The following SEL1L3 variants were observed in gnomAD, a reference collection of about 807,000 sequenced individuals.
The protein encoded by SEL1L3 is protein sel-1 homolog 3.
Under a neutral mutation model 142.8 loss-of-function variants are expected in SEL1L3, and 76 were observed. That is an observed-to-expected ratio of 0.53 (90% CI 0.44 to 0.64). The LOEUF (loss-of-function observed/expected upper bound fraction) is 0.64, where lower values mean the gene tolerates loss of function less well. Among genes scored for constraint, SEL1L3 ranks in the 30% least tolerant of loss-of-function variants. SEL1L3 has a pLI of 0.00. For synonymous variants in SEL1L3, 504 were observed against 519.6 expected, an observed-to-expected ratio of 0.97 and a Z score of 0.41; for missense variants, 1,262 against 1,381.7, an observed-to-expected ratio of 0.91 and a Z score of 1.37.
intron 6 of SEL1L3, among the ~76,000 whole-genome samples, chr4:25,823,210 T>A (rs1560332995): frequency 1.3e-5 from 2 of 152,254 alleles, no homozygotes; most frequent in East Asian, 3.9e-4. Flanking sequence ...TGTGCATCTA[T>A]TACCTATTAA....
chr4:25,822,179 T>C, intron 6 of SEL1L3, 51 bp from the exon 7 acceptor site: 2 of 1,608,166 alleles, frequency 1.2e-6, no homozygotes, highest in East Asian at 2.2e-5. Context: ...AACTAGATGA[T>C]TTAAAAACAG....
chr4:25,863,312 C>A, upstream of SEL1L3: 2 of 549,036 alleles, frequency 3.6e-6, no homozygotes, highest in Admixed American at 3.2e-5. Context: ...CTCCGGCTCC[C>A]TCTTCCTTCT....
chr4:25,790,332 G>T, intron 12 of SEL1L3, 123 bp downstream of exon 12: 2 of 920,608 alleles, frequency 2.2e-6, no homozygotes, highest in Non-Finnish European at 3.5e-6. Context: ...TGGACATGCA[G>T]TGTGAGTGAG....
intron 8 of SEL1L3, among the ~76,000 whole-genome samples, chr4:25,818,776 C>T (rs1714563780): frequency 6.6e-6 from 1 of 152,174 alleles, no homozygotes; most frequent in Non-Finnish European, 1.5e-5. Flanking sequence ...CTTCCCCCTC[C>T]TGTTGACAGC....
chr4:25,745,342 C>T (rs1717226948), downstream of SEL1L3, among the ~76,000 whole-genome samples: 1 of 151,804 alleles, frequency 6.6e-6, no homozygotes, highest in Non-Finnish European at 1.5e-5. Context: ...ATGCAGTGAG[C>T]CAAGATCATG....
At chr4:25,804,491 G>C (rs376428840) in intron 10 of SEL1L3, 50 bp downstream of exon 10, 71 of 1,381,752 alleles carry the variant, frequency 5.1e-5, no homozygotes, top group Non-Finnish European at 4.1e-6. Context: ...GCATTGCTTT[G>C]CAAATATAAT....
intron 23 of SEL1L3, 99 bp from the exon 24 acceptor site, chr4:25,748,663 T>A: frequency 7.7e-7 from 1 of 1,290,578 alleles, no homozygotes; most frequent in African/African-American, 1.5e-5. Flanking sequence ...GAGAGATGCA[T>A]CTAGTCTAAT....
At chr4:25,743,529 G>GAT (rs1344944281), downstream of SEL1L3, among the ~76,000 whole-genome samples, 7 of 152,172 alleles carry the variant, frequency 4.6e-5, no homozygotes, top group African/African-American at 1.7e-4. Context: ...ATACATTTTA[G>GAT]GGAGACATGA....
Position 25,862,719 on chromosome 4 carries a change from G to C in SEL1L3, c.118C>G (p.Leu40Val). 7.0e-6 allele frequency: 9 copies of C among 1,287,294 alleles called. No homozygotes were observed. Among genetic ancestry groups the C allele is most frequent in the Non-Finnish European group, 7.9e-6 (8 of 1,015,426 alleles). 79.7% of individuals were successfully genotyped at this position (1,287,294 alleles called of 1,614,324 possible). A position where few individuals can be genotyped will look rare whatever the true frequency, so the allele number is the denominator to read the frequency against. Reference protein sequence around the residue: ...MVPSGGVPQGLGGRSACALLL... With the variant: ...MVPSGGVPQGVGGRSACALLL... The stretch of plus-strand genomic sequence containing the variant: ...AGCGCGCAGGCAGAGCGGCCGCCGA[G>C]GCCCTGGGGGACGCCGCCACTCGGG... Residue 40 changes from leucine to valine, a missense_variant, in exon 1 of 24, where the codon CTC becomes GTC. This residue lies in a region of SEL1L3 where 689 missense variants were observed against 692.8 expected (regional missense o/e 0.99). Transcript: ENST00000399878.
At chr4:25,807,139 T>C (rs1430150148) in intron 9 of SEL1L3, among the ~76,000 whole-genome samples, 3 of 152,236 alleles carry the variant, frequency 2.0e-5, no homozygotes, top group Non-Finnish European at 4.4e-5. Context: ...TCTGGGGCTG[T>C]CAGAAGCTCA....
At chr4:25,798,423 C>G (rs995244770) in intron 11 of SEL1L3, among the ~76,000 whole-genome samples, 2 of 152,044 alleles carry the variant, frequency 1.3e-5, no homozygotes, top group Non-Finnish European at 2.9e-5. Context: ...TCATGAGACC[C>G]TCCATGGTGG....
chr4:25,847,780 A>G lies in SEL1L3; in HGVS notation c.247T>C (p.Phe83Leu). Residue 83 changes from phenylalanine to leucine, a missense_variant, in exon 2 of 24, where the codon TTT becomes CTT. By Grantham distance (22) the Phe-to-Leu change is conservative. Coordinates refer to ENST00000399878, the MANE Select transcript of SEL1L3 (RefSeq NM_015187.5). ...CCTTCAAAGACAGTAAAATAAATAA[A>G]GTCTTTGTAAGCCACGCTCTGCTCA... ...KAEQSVAYKDFIYFTVFEGNV... is the reference protein window; with the variant it reads ...KAEQSVAYKDLIYFTVFEGNV... 6.2e-7 allele frequency: 1 copy of G among 1,613,734 alleles called. No individual in the cohort carries two copies. The highest frequency in any genetic ancestry group is 2.2e-5 in the East Asian group (1 of 44,892).
intron 2 of SEL1L3, among the ~76,000 whole-genome samples, chr4:25,846,369 C>A (rs1716511367): frequency 6.6e-6 from 1 of 152,198 alleles, no homozygotes; most frequent in South Asian, 2.1e-4. Context: ...TCACTGAGTG[C>A]TGATGATGTG....
the SEL1L3 span, among the ~76,000 whole-genome samples, chr4:25,724,769 A>AATC: frequency 2.6e-5 from 1 of 38,248 alleles, no homozygotes; most frequent in Non-Finnish European, 5.8e-5. Context: ...AAAAAAAAAA[A>AATC]AAGGAAAAGA....
At chr4:25,728,017 C>T in the SEL1L3 span, among the ~76,000 whole-genome samples, 5 of 152,092 alleles carry the variant, frequency 3.3e-5, no homozygotes, top group African/African-American at 7.2e-5. Context: ...CAATCCAGTA[C>T]GTAGTCTTCA....
At chr4:25,735,622 A>G in the SEL1L3 span, among the ~76,000 whole-genome samples, 1 of 151,310 alleles carries the variant, frequency 6.6e-6, no homozygotes, top group African/African-American at 2.4e-5. Context: ...TTGATTTGAG[A>G]TATAACTTGT....
intron 6 of SEL1L3, among the ~76,000 whole-genome samples, chr4:25,828,399 T>A (rs1715228636): frequency 6.6e-6 from 1 of 151,592 alleles, no homozygotes; most frequent in Non-Finnish European, 1.5e-5. Flanking sequence ...CGTTTTTTTT[T>A]TTTTGTTAAG....
rs76766576 is a variant in SEL1L3 at position 25,788,809 on chromosome 4, G to T, written c.2077-445C>A. Reference sequence around the variant, plus strand: ...TCTCATCTTATCATTTGTCTACATGGCTGGCTCCAACATCAGACTGGAGGC... The same window carrying T: ...TCTCATCTTATCATTTGTCTACATGTCTGGCTCCAACATCAGACTGGAGGC... On this transcript the variant is annotated intron_variant, in intron 12 of 23. Transcript: ENST00000399878. The surrounding 1 kb of genome is among the most constrained non-coding windows in gnomAD (Gnocchi z 5.3). 0.022 allele frequency among the ~76,000 whole-genome samples: 3,343 copies of T among 152,116 alleles called. 99 individuals carry two copies. Among genetic ancestry groups the T allele is most frequent in the African/African-American group, 0.075 (3,102 of 41,460 alleles).
the SEL1L3 span, among the ~76,000 whole-genome samples, chr4:25,729,173 T>A: frequency 6.6e-6 from 1 of 152,226 alleles, no homozygotes; most frequent in South Asian, 2.1e-4. Context: ...GACAGCTGAC[T>A]GGTTTACAAA....
Sources: gnomAD v4.1 joint callset for allele counts (sites outside exome capture counted in the v4.1 genomes callset) on GRCh38, gnomAD v4.1.1 for gene constraint, gnomAD v4.1.1 regional missense constraint, Gnocchi (gnomAD v3.1) non-coding constraint, MANE v1.5 for transcripts, NCBI Gene and HGNC (gene_info 2026-07-23, HGNC 2026-07-21) for gene names.